ZMYND11: variants seen among roughly 807,000 people sequenced by gnomAD.
ZMYND11 encodes zinc finger MYND domain-containing protein 11.
ZMYND11 carries 9 observed loss-of-function variants against 84.9 expected under a neutral mutation model. The observed-to-expected ratio is 0.11, with a 90% CI of 0.06 to 0.18. The LOEUF is 0.18. Ranked by LOEUF, ZMYND11 falls within the 10% of genes least tolerant of loss-of-function variation. The probability of loss-of-function intolerance (pLI) is 1.00; values close to 1 mark genes in which losing one functional copy is unlikely to be tolerated. For synonymous variants in ZMYND11, 250 were observed against 244.1 expected, an observed-to-expected ratio of 1.02 and a Z score of -0.23; for missense variants, 409 against 761.0, an observed-to-expected ratio of 0.54 and a Z score of 5.44.
intron 2 of ZMYND11, among the ~76,000 whole-genome samples, chr10:192,006 G>A (rs1030578600): frequency 6.6e-6 from 1 of 152,146 alleles, no homozygotes; most frequent in Admixed American, 6.5e-5. Context: ...CAACAGCATG[G>A]GGTTGACTTT....
chr10:145,319 C>T (rs1838558327), intron 1 of ZMYND11, among the ~76,000 whole-genome samples: 1 of 151,252 alleles, frequency 6.6e-6, no homozygotes, highest in East Asian at 1.9e-4. Context: ...TAGGTTGGTT[C>T]CGTATCTTTG....
At chr10:155,949 G>A (rs1446522426) in intron 1 of ZMYND11, among the ~76,000 whole-genome samples, 1 of 152,206 alleles carries the variant, frequency 6.6e-6, no homozygotes, top group Non-Finnish European at 1.5e-5. Flanking sequence ...GGGCCATTGA[G>A]TGGCAAACCT....
intron 2 of ZMYND11, among the ~76,000 whole-genome samples, chr10:191,919 T>C (rs939160077): frequency 6.6e-6 from 1 of 152,222 alleles, no homozygotes; most frequent in Non-Finnish European, 1.5e-5. Flanking sequence ...TGCACTGTAA[T>C]ATGAGCTGGG....
chr10:218,805 A>G (rs1440645279), intron 3 of ZMYND11, among the ~76,000 whole-genome samples: 1 of 152,236 alleles, frequency 6.6e-6, no homozygotes, highest in African/African-American at 2.4e-5. Context: ...TTTGAGTGCT[A>G]GTCAAAAGCA....
chr10:183,158 A>AT (rs1455883994), intron 2 of ZMYND11, among the ~76,000 whole-genome samples: 1 of 151,544 alleles, frequency 6.6e-6, no homozygotes, highest in Non-Finnish European at 1.5e-5. Flanking sequence ...TTACTTCTGT[A>AT]TAATGGTTTA....
intron 2 of ZMYND11, among the ~76,000 whole-genome samples, chr10:196,835 G>A (rs747156193): frequency 1.3e-5 from 2 of 152,186 alleles, no homozygotes; most frequent in Non-Finnish European, 2.9e-5. Context: ...GTCTGAAACT[G>A]GGGTAAGAGT....
At chr10:191,364 T>G (rs1940339866) in intron 2 of ZMYND11, among the ~76,000 whole-genome samples, 1 of 152,200 alleles carries the variant, frequency 6.6e-6, no homozygotes, top group African/African-American at 2.4e-5. Flanking sequence ...AACTTTGAAG[T>G]TTTCAAAACA....
chr10:145,226 G>GTA (rs79123006), intron 1 of ZMYND11, among the ~76,000 whole-genome samples: 1 of 149,984 alleles, frequency 6.7e-6, no homozygotes, highest in Non-Finnish European at 1.5e-5. Context: ...ATATATGTGT[G>GTA]TATATATATG....
chr10:137,645 G>A (rs1554752610), intron 1 of ZMYND11, among the ~76,000 whole-genome samples: 2 of 152,106 alleles, frequency 1.3e-5, no homozygotes. Context: ...TTTCTGGTAG[G>A]CAGGGTCATC....
chr10:241,877 GA>G (rs1165530800), intron 9 of ZMYND11, 143 bp from the exon 10 acceptor site: 8 of 1,033,672 alleles, frequency 7.7e-6, no homozygotes, highest in African/African-American at 1.6e-5. Flanking sequence ...GTCAATCCCA[GA>G]AAAAAAATCT....
intron 9 of ZMYND11, 55 bp from the exon 10 acceptor site, chr10:241,966 A>G: frequency 6.3e-7 from 1 of 1,575,254 alleles, no homozygotes; most frequent in Non-Finnish European, 8.7e-7. Context: ...TTAATGGTAC[A>G]CTTGCATTTA....
chr10:217,331 G>A (rs905582713), intron 3 of ZMYND11, among the ~76,000 whole-genome samples: 1 of 152,022 alleles, frequency 6.6e-6, no homozygotes, highest in African/African-American at 2.4e-5. Context: ...GATCGGCCTG[G>A]GTAACATGGC....
At chr10:233,214 C>T (rs1949310657) in intron 4 of ZMYND11, among the ~76,000 whole-genome samples, 1 of 139,848 alleles carries the variant, frequency 7.2e-6, no homozygotes, top group Non-Finnish European at 1.7e-5. Flanking sequence ...GGGCTTTTTC[C>T]TTTGAGGTAA....
chr10:174,944 G>T (rs1336639380), intron 1 of ZMYND11, among the ~76,000 whole-genome samples: 2 of 150,176 alleles, frequency 1.3e-5, no homozygotes, highest in Non-Finnish European at 3.0e-5. Flanking sequence ...TCATACATTG[G>T]TCAGAACCCA....
chr10:163,037 G>C (rs1390516673), intron 1 of ZMYND11, among the ~76,000 whole-genome samples: 2 of 152,170 alleles, frequency 1.3e-5, no homozygotes, highest in African/African-American at 4.8e-5. Context: ...ATTCATATTA[G>C]TAGCTTCCTG....
rs368485593 is a variant in ZMYND11, at chr10:217,039, G to A, written c.277-4156G>A. On this transcript the variant is annotated intron_variant, in intron 3 of 14. Transcript: ENST00000381604. ...ATCTCAAACACACATACTTGGTTGT[G>A]TAATATTTATCTACTCATTAAGTAG... Among the ~76,000 whole-genome samples the A allele has an allele frequency of 2.0e-5, 3 of 152,254 alleles. No homozygotes were observed. The East Asian group carries it at 5.8e-4, about 29-fold the overall frequency.
chr10:211,004 A>G (rs2131284035), intron 3 of ZMYND11, among the ~76,000 whole-genome samples: 1 of 151,938 alleles, frequency 6.6e-6, no homozygotes, highest in East Asian at 1.9e-4. Flanking sequence ...ACAAAAAAAA[A>G]TAAAATACAC....
At chr10:149,131 AC>A (rs1274400555) in intron 1 of ZMYND11, among the ~76,000 whole-genome samples, 35 of 151,966 alleles carry the variant, frequency 2.3e-4, no homozygotes, top group Non-Finnish European at 4.1e-4. Flanking sequence ...TTTGAAAAAT[AC>A]GAATTTTCTA....
intron 2 of ZMYND11, among the ~76,000 whole-genome samples, chr10:189,097 A>G (rs1351194260): frequency 6.6e-6 from 1 of 152,296 alleles, no homozygotes; most frequent in African/African-American, 2.4e-5. Context: ...TGCGTTGCTT[A>G]CTTTACGGTC....
Sources: gnomAD v4.1 joint callset for allele counts (sites outside exome capture counted in the v4.1 genomes callset) on GRCh38, gnomAD v4.1.1 for gene constraint, MANE v1.5 for transcripts, NCBI Gene and HGNC (gene_info 2026-07-23, HGNC 2026-07-21) for gene names.